Variants in SMARCA4 observed in about 807,000 individuals in gnomAD.
SMARCA4 encodes the protein SWI/SNF related BAF chromatin remodeling complex subunit ATPase 4.
A neutral mutation model predicts 193.9 loss-of-function variants in SMARCA4; 31 were observed. The ratio of observed to expected loss-of-function variants is 0.16; its 90% CI spans 0.12 to 0.22. SMARCA4 has a LOEUF of 0.22. Ranked by LOEUF, SMARCA4 falls within the 10% of genes least tolerant of loss-of-function variation. The pLI is 1.00. For missense variants in SMARCA4, 1,148 were observed against 2,296.0 expected, an observed-to-expected ratio of 0.50 and a Z score of 10.22; for synonymous variants, 942 against 933.1, an observed-to-expected ratio of 1.01 and a Z score of -0.17.
In SMARCA4 at chr19:11,041,891, C is replaced by A. The variant is rs546948700; in HGVS notation, c.4424+331C>A. Among the ~76,000 whole-genome samples the A allele has an allele frequency of 6.6e-6, 1 of 152,126 alleles. No homozygotes were observed. The highest frequency in any genetic ancestry group is 1.9e-4 in the East Asian group (1 of 5,196). Reference sequence around the variant, plus strand: ...GTGCACCAGCAGAGGCCACAGCAGGCGGAGAGGCTCTGCCAAAGTTGTGGC... The same window carrying A: ...GTGCACCAGCAGAGGCCACAGCAGGAGGAGAGGCTCTGCCAAAGTTGTGGC... On this transcript the variant is annotated intron_variant, in intron 30 of 34. Transcript: ENST00000344626. The surrounding 1 kb of genome is among the most constrained non-coding windows in gnomAD (Gnocchi z 5.6).
chr19:10,985,588 G>A lies in SMARCA4; in HGVS notation c.355+183G>A, dbSNP rs752529336. ...GCTGGTGCTCTGTTCTGGCCACCTC[G>A]TCTCGGAGCAGCCCTGGAAGGGGAA... On this transcript the variant is annotated intron_variant, in intron 3 of 34. Coordinates refer to ENST00000344626, the MANE Select transcript of SMARCA4 (RefSeq NM_003072.5). The surrounding 1 kb of genome is among the most constrained non-coding windows in gnomAD (Gnocchi z 4.5). Among the ~76,000 whole-genome samples, 3 of 152,192 alleles carry A rather than the reference G, an allele frequency of 2.0e-5. No individual in the cohort carries two copies. The highest frequency in any genetic ancestry group is 4.4e-5 in the Non-Finnish European group (3 of 68,032).
chr19:11,058,768 G>A lies in SMARCA4; in HGVS notation c.4534-20G>A, dbSNP rs2147095991. ...GAGGCGGGGTCCTGAGGTAAGACCT[G>A]CTCCTCCCGTCCACTGCAGGAGCGC... is the stretch of plus-strand genomic sequence containing the variant. On this transcript the variant is annotated intron_variant, in intron 31 of 34. Transcript: ENST00000344626. The surrounding 1 kb of genome is among the most constrained non-coding windows in gnomAD (Gnocchi z 5.8). The A allele has an allele frequency of 6.2e-7, 1 of 1,609,268 alleles. No individual in the cohort carries two copies. The highest frequency in any genetic ancestry group is 8.5e-7 in the Non-Finnish European group (1 of 1,175,788).
intron 14 of SMARCA4, among the ~76,000 whole-genome samples, chr19:11,008,508 G>T (rs903975942): frequency 2.0e-5 from 3 of 152,184 alleles, no homozygotes; most frequent in African/African-American, 7.2e-5. Flanking sequence ...CTTCCAGTCT[G>T]GTCCTCAGCG....
intron 1 of SMARCA4, among the ~76,000 whole-genome samples, chr19:10,965,086 G>C (rs991293946): frequency 1.3e-5 from 2 of 152,208 alleles, no homozygotes; most frequent in African/African-American, 4.8e-5. Flanking sequence ...GGTGCCTGTA[G>C]ACAGAACACA....
intron 8 of SMARCA4, among the ~76,000 whole-genome samples, chr19:10,992,827 G>A (rs1305815780): frequency 6.6e-6 from 1 of 151,930 alleles, no homozygotes; most frequent in Non-Finnish European, 1.5e-5. Context: ...TGTTGACCTC[G>A]TGATCCGCCT....
Position 11,030,990 on chromosome 19 carries a change from C to T in SMARCA4, c.3546+97C>T, listed in dbSNP as rs772935552. 1.7e-6 allele frequency: 2 copies of T among 1,176,324 alleles called. No homozygotes were observed. The highest frequency in any genetic ancestry group is 2.5e-5 in the East Asian group (1 of 39,756). 72.9% of individuals were successfully genotyped at this position (1,176,324 alleles called of 1,614,324 possible). Reference sequence around the variant, plus strand: ...GGCTTGAGGGTCCTCCAGCCTCCTCCACATTGTCTTGGACCCCAGGAGCCG... The same window carrying T: ...GGCTTGAGGGTCCTCCAGCCTCCTCTACATTGTCTTGGACCCCAGGAGCCG... On this transcript the variant is annotated intron_variant, in intron 25 of 34. Transcript: ENST00000344626. This position sits in a 1 kb window ranked among gnomAD's most constrained non-coding sequence, Gnocchi z 5.5.
At position 11,019,797 on chromosome 19, in the gene SMARCA4, C is replaced by G. The variant is rs1600259974; in HGVS notation, c.2616+96C>G. ...CTCCAAAGCCCCTACAAGTTTCTTC[C>G]CGGAGTCCCACCTGCATGTGCGTGA... is the stretch of plus-strand genomic sequence containing the variant. On this transcript the variant is annotated intron_variant, in intron 18 of 34. Coordinates refer to ENST00000344626, the MANE Select transcript of SMARCA4 (RefSeq NM_003072.5). The surrounding 1 kb of genome is among the most constrained non-coding windows in gnomAD (Gnocchi z 6.1). 2.3e-6 allele frequency: 2 copies of G among 870,998 alleles called. No homozygotes were observed. The highest frequency in any genetic ancestry group is 3.8e-6 in the Non-Finnish European group (2 of 528,958). 54.0% of individuals were successfully genotyped at this position (870,998 alleles called of 1,614,324 possible). A position where few individuals can be genotyped will look rare whatever the true frequency, so the allele number is the denominator to read the frequency against.
At chr19:11,053,911 T>C (rs2076399619) in intron 30 of SMARCA4, among the ~76,000 whole-genome samples, 1 of 151,966 alleles carries the variant, frequency 6.6e-6, no homozygotes. Flanking sequence ...ATCGTGTCTG[T>C]AAAAAGAGAG....
At chr19:11,035,650 C>T (rs539140693) in intron 29 of SMARCA4, among the ~76,000 whole-genome samples, 60 of 152,340 alleles carry the variant, frequency 3.9e-4, no homozygotes, top group South Asian at 1.7e-3. Flanking sequence ...AGGTGCTGCA[C>T]GGGGCTGGCA....
At chr19:10,993,067 CCT>C (rs1555759439) in intron 8 of SMARCA4, among the ~76,000 whole-genome samples, 2 of 149,694 alleles carry the variant, frequency 1.3e-5, no homozygotes, top group African/African-American at 2.5e-5. Flanking sequence ...CTCACTGCAG[CCT>C]CTGTCTTCTG....
intron 1 of SMARCA4, among the ~76,000 whole-genome samples, chr19:10,965,859 A>G (rs1346804291): frequency 6.6e-6 from 1 of 151,670 alleles, no homozygotes; most frequent in Non-Finnish European, 1.5e-5. Flanking sequence ...ATCTTATGGG[A>G]CTATTGTATA....
intron 9 of SMARCA4, 160 bp downstream of exon 9, chr19:10,995,161 G>A (rs1322771559): frequency 4.2e-6 from 3 of 722,476 alleles, no homozygotes; most frequent in Non-Finnish European, 5.0e-6. Flanking sequence ...GTCAGTCCTG[G>A]GCTCGGATAT....
chr19:11,012,870 C>G (rs1179350311), intron 15 of SMARCA4, 79 bp from the exon 16 acceptor site: 68 of 1,401,530 alleles, frequency 4.9e-5, no homozygotes, highest in Non-Finnish European at 6.4e-5. Context: ...CTGGCGGTGT[C>G]TTGACTCTCT....
intron 13 of SMARCA4, among the ~76,000 whole-genome samples, chr19:11,006,036 T>G (rs1358672710): frequency 6.6e-6 from 1 of 152,240 alleles, no homozygotes; most frequent in African/African-American, 2.4e-5. Flanking sequence ...TACCACCTGT[T>G]TATTCCAAGT....
rs563702211 is a variant in SMARCA4 at position 10,978,775 on chromosome 19, C to CAAAA, written c.-31-5343_-31-5340dup. ...CGAAACCCCGTCTCTACTAAAAATA[C>CAAAA]AAAAAATATATATATATATATATTT... On this transcript the variant is annotated intron_variant, in intron 1 of 34. Transcript: ENST00000344626. Among the ~76,000 whole-genome samples the CAAAA allele has an allele frequency of 3.8e-3, 562 of 149,336 alleles. 4 individuals are homozygous for CAAAA. The highest frequency in any genetic ancestry group is 0.013 in the African/African-American group (512 of 40,694).
intron 30 of SMARCA4, among the ~76,000 whole-genome samples, chr19:11,049,284 C>T (rs961392185): frequency 1.3e-5 from 2 of 152,140 alleles, no homozygotes; most frequent in African/African-American, 2.4e-5. Flanking sequence ...TAGCCAAGGG[C>T]GTTTCTCCTT....
At chr19:11,016,682 C>G (rs574865473) in intron 16 of SMARCA4, among the ~76,000 whole-genome samples, 67 of 152,168 alleles carry the variant, frequency 4.4e-4, no homozygotes, top group Middle Eastern at 6.8e-3. Flanking sequence ...TATGGACCCA[C>G]GGATATTTAT....
rs1183154687 is a variant in SMARCA4, at chr19:11,019,953, C to G, written c.2616+252C>G. On this transcript the variant is annotated intron_variant, in intron 18 of 34. Coordinates refer to ENST00000344626, the MANE Select transcript of SMARCA4 (RefSeq NM_003072.5). The surrounding 1 kb of genome is among the most constrained non-coding windows in gnomAD (Gnocchi z 6.1). ...ATCTACACAGCATGCGCTCTGCCTC[C>G]TCTCGGGCCTTCTGCCCAGAGAGCC... is the stretch of plus-strand genomic sequence containing the variant. Among the ~76,000 whole-genome samples, 1 of 152,260 alleles carries G rather than the reference C, an allele frequency of 6.6e-6. No individual in the cohort carries two copies. Among genetic ancestry groups the G allele is most frequent in the Non-Finnish European group, 1.5e-5 (1 of 68,052 alleles).
rs1299393007 is a variant in SMARCA4 at position 10,991,390 on chromosome 19, C to T, written c.1419+67C>T. 2.6e-6 allele frequency: 4 copies of T among 1,548,042 alleles called. No homozygotes were observed. The East Asian group carries it at 7.3e-5, about 28-fold the overall frequency. On this transcript the variant is annotated intron_variant, in intron 8 of 34. Coordinates refer to ENST00000344626, the MANE Select transcript of SMARCA4 (RefSeq NM_003072.5). ...GGCTGCCTGGCTTGTCCAGCGGTTGCCACGGGGCTGTGTTTGCTTTGTTCC... is the reference window on the plus strand; with the variant it reads ...GGCTGCCTGGCTTGTCCAGCGGTTGTCACGGGGCTGTGTTTGCTTTGTTCC...
Sources: allele counts gnomAD v4.1 joint callset (sites outside exome capture counted in the v4.1 genomes callset), GRCh38; gene constraint gnomAD v4.1.1; non-coding constraint Gnocchi (gnomAD v3.1); transcripts MANE v1.5; gene names NCBI Gene and HGNC (gene_info 2026-07-23, HGNC 2026-07-21).